Variants in TMCO4 observed in about 807,000 individuals in gnomAD.
TMCO4 encodes transmembrane and coiled-coil domain-containing protein 4.
In TMCO4, 58 loss-of-function variants were observed where a neutral mutation model predicts 64.7. The observed-to-expected ratio is 0.90, with a 90% CI of 0.73 to 1.12. The LOEUF (loss-of-function observed/expected upper bound fraction) is 1.12, where lower values mean the gene tolerates loss of function less well. Ranked by LOEUF, TMCO4 falls within the 50% of genes most tolerant of loss-of-function variation. The probability of loss-of-function intolerance (pLI) is 0.00; values close to 1 mark genes in which losing one functional copy is unlikely to be tolerated. For missense variants in TMCO4, 780 were observed against 825.9 expected (o/e 0.94, Z 0.68); for synonymous variants, 325 against 346.1 (o/e 0.94, Z 0.68).
chr1:19,746,372 G>GT (rs1282216837), intron 9 of TMCO4, 84 bp downstream of exon 9: 1 of 1,565,460 alleles, frequency 6.4e-7, no homozygotes, highest in Non-Finnish European at 8.7e-7. Context: ...GTCACTGCTG[G>GT]TGAGGATCCA....
chr1:19,790,500 A>G (rs1218188051), intron 2 of TMCO4, among the ~76,000 whole-genome samples: 1 of 152,232 alleles, frequency 6.6e-6, no homozygotes, highest in African/African-American at 2.4e-5. Context: ...TGGGCAAAGT[A>G]CATGAACAGA....
intron 13 of TMCO4, among the ~76,000 whole-genome samples, chr1:19,703,916 T>C (rs1225775852): frequency 1.3e-5 from 2 of 152,186 alleles, no homozygotes; most frequent in Non-Finnish European, 2.9e-5. Flanking sequence ...TGCTGGGAAA[T>C]GTTCCCGGCT....
chr1:19,798,618 C>A (rs1450501361), intron 1 of TMCO4, among the ~76,000 whole-genome samples: 1 of 152,242 alleles, frequency 6.6e-6, no homozygotes, highest in Non-Finnish European at 1.5e-5. Flanking sequence ...CTGAGCCCAT[C>A]TCTGTCTGAT....
At chr1:19,762,787 G>A (rs879795467) in intron 6 of TMCO4, among the ~76,000 whole-genome samples, 4 of 152,174 alleles carry the variant, frequency 2.6e-5, no homozygotes, top group Non-Finnish European at 4.4e-5. Context: ...CCCAGTAATG[G>A]CTCCATCTCT....
chr1:19,721,075 C>T (rs1416681770), intron 13 of TMCO4, among the ~76,000 whole-genome samples: 1 of 152,142 alleles, frequency 6.6e-6, no homozygotes, highest in Non-Finnish European at 1.5e-5. Context: ...CAGAGGAATG[C>T]TCCTTTGCTG....
intron 3 of TMCO4, 88 bp from the exon 4 acceptor site, chr1:19,780,854 G>A: frequency 2.7e-6 from 3 of 1,128,650 alleles, no homozygotes; most frequent in South Asian, 3.3e-5. Flanking sequence ...ACCATAAAAG[G>A]TTGATAAAGT....
chr1:19,790,619 T>C (rs992631011), intron 2 of TMCO4, among the ~76,000 whole-genome samples: 5 of 152,128 alleles, frequency 3.3e-5, no homozygotes, highest in Non-Finnish European at 7.4e-5. Flanking sequence ...TACCATCTCA[T>C]GCCAGTCAGA....
chr1:19,729,230 AC>A (rs1166400892), intron 13 of TMCO4, among the ~76,000 whole-genome samples: 2 of 151,818 alleles, frequency 1.3e-5, no homozygotes, highest in African/African-American at 4.8e-5. Context: ...GCTCACTGCA[AC>A]CTCTGCCTCC....
chr1:19,751,991 T>C (rs1411877661), intron 7 of TMCO4, among the ~76,000 whole-genome samples: 2 of 149,982 alleles, frequency 1.3e-5, no homozygotes, highest in Non-Finnish European at 3.0e-5. Context: ...GAGCTTGCAG[T>C]GAGCCGAGAT....
chr1:19,767,528 T>C (rs2042789268), intron 6 of TMCO4, among the ~76,000 whole-genome samples: 1 of 152,110 alleles, frequency 6.6e-6, no homozygotes, highest in Admixed American at 6.6e-5. Flanking sequence ...GGAGATGTCT[T>C]AGGTGCCCAA....
At chr1:19,737,582 T>G in intron 12 of TMCO4, 126 bp from the exon 13 acceptor site, 1 of 766,990 alleles carries the variant, frequency 1.3e-6, no homozygotes, top group Non-Finnish European at 2.1e-6. Flanking sequence ...ATCATGCATG[T>G]GCTGTTCCGG....
At chr1:19,791,750 C>T (rs1424027508) in intron 2 of TMCO4, among the ~76,000 whole-genome samples, 1 of 152,230 alleles carries the variant, frequency 6.6e-6, no homozygotes, top group African/African-American at 2.4e-5. Context: ...TCCAGCAGCG[C>T]CCTGGGGCTC....
At chr1:19,739,739 C>T in intron 12 of TMCO4, 85 bp downstream of exon 12, 4 of 1,535,024 alleles carry the variant, frequency 2.6e-6, no homozygotes, top group Non-Finnish European at 3.5e-6. Flanking sequence ...AGTAGCCTTG[C>T]CTCTAAGGCT....
chr1:19,740,897 G>A lies in TMCO4; in HGVS notation c.922C>T (p.Gln308Ter). The part of the protein sequence containing the change: ...PWAALAHSRE[Q>*]YCLAWEAKYL... ...TTGGCTTCCCAGGCCAGGCAGTACT[G>A]CTCACGGCTGTGGGCCAGGGCAGCC... is the stretch of plus-strand genomic sequence containing the variant. Residue 308 changes from glutamine to a stop codon, truncating the protein, a stop_gained, in exon 11 of 16, where the codon CAG (glutamine) becomes TAG (stop). Transcript: ENST00000294543. LOFTEE classifies it high-confidence loss of function. 1 of 1,613,954 alleles carries A rather than the reference G, an allele frequency of 6.2e-7. No individual in the cohort carries two copies. Among genetic ancestry groups the A allele is most frequent in the South Asian group, 1.1e-5 (1 of 91,070 alleles).
At position 19,734,405 on chromosome 1, in the gene TMCO4, C is replaced by T. The variant is rs188736222; in HGVS notation, c.1264+2967G>A. ...GTGTGTGTGTGAGTGTGCATATGTG[C>T]GCATGTGTGTGAACTGTAGGGTGCC... is the stretch of plus-strand genomic sequence containing the variant. On this transcript the variant is annotated intron_variant, in intron 13 of 15. Coordinates refer to ENST00000294543, the MANE Select transcript of TMCO4 (RefSeq NM_181719.7). This position sits in a 1 kb window ranked among gnomAD's most constrained non-coding sequence, Gnocchi z 4.4. Among the ~76,000 whole-genome samples, 167 of 152,172 alleles carry T rather than the reference C, an allele frequency of 1.1e-3. 1 individual carries two copies. Among genetic ancestry groups the T allele is most frequent in the South Asian group, 2.3e-3 (11 of 4,820 alleles).
chr1:19,682,537 C>A lies in TMCO4; in HGVS notation c.*503G>T. The A allele has an allele frequency of 1.4e-6, 1 of 706,544 alleles. No individual in the cohort carries two copies. The highest frequency in any genetic ancestry group is 2.6e-6 in the Non-Finnish European group (1 of 378,814). The allele number at this position is 706,544 out of a possible 1,614,324, so 43.8% of individuals were successfully genotyped here. ...GCAGGAGTGAGCTGCCTTCTTTGTA[C>A]CTGCGCCTGCTCTGTTGCTGCCAGT... On this transcript the variant is annotated 3_prime_UTR_variant, in exon 16 of 16. Transcript: ENST00000294543.
chr1:19,756,736 A>G (rs947953067), intron 6 of TMCO4, among the ~76,000 whole-genome samples: 2 of 152,204 alleles, frequency 1.3e-5, no homozygotes, highest in African/African-American at 2.4e-5. Flanking sequence ...GCGTGCCTAT[A>G]ATCCCAGCTA....
chr1:19,770,454 C>A, intron 6 of TMCO4, 88 bp downstream of exon 6: 2 of 1,480,156 alleles, frequency 1.4e-6, no homozygotes, highest in Non-Finnish European at 1.9e-6. Flanking sequence ...GGGGACCCGG[C>A]CCCAGGTGGT....
At chr1:19,696,031 C>T (rs866096588) in intron 14 of TMCO4, among the ~76,000 whole-genome samples, 6 of 152,112 alleles carry the variant, frequency 3.9e-5, no homozygotes, top group South Asian at 2.1e-4. Context: ...TGGATGAATG[C>T]GACGGCCTCT....
Sources: gnomAD v4.1 joint callset for allele counts (sites outside exome capture counted in the v4.1 genomes callset) on GRCh38, gnomAD v4.1.1 for gene constraint, Gnocchi (gnomAD v3.1) non-coding constraint, MANE v1.5 for transcripts, NCBI Gene and HGNC (gene_info 2026-07-23, HGNC 2026-07-21) for gene names.